CAMK1D: variants seen among roughly 807,000 people sequenced by gnomAD.
CAMK1D encodes the protein calcium/calmodulin dependent protein kinase ID, also known as calcium/calmodulin-dependent protein kinase type 1D.
Under a neutral mutation model 47.7 loss-of-function variants are expected in CAMK1D, and 9 were observed. The ratio of observed to expected loss-of-function variants is 0.19; its 90% CI spans 0.11 to 0.33. The LOEUF (loss-of-function observed/expected upper bound fraction) is 0.33, where lower values mean the gene tolerates loss of function less well. Ranked by LOEUF, CAMK1D falls within the 10% of genes least tolerant of loss-of-function variation. CAMK1D has a pLI of 1.00. For missense variants in CAMK1D, 291 were observed against 488.7 expected, an observed-to-expected ratio of 0.60 and a Z score of 3.81; for synonymous variants, 184 against 184.9, an observed-to-expected ratio of 0.99 and a Z score of 0.04.
At chr10:12,768,995 C>G (rs1588904736) in intron 4 of CAMK1D, among the ~76,000 whole-genome samples, 1 of 152,204 alleles carries the variant, frequency 6.6e-6, no homozygotes, top group Non-Finnish European at 1.5e-5. Context: ...GCTGTGCATT[C>G]CTGCTGCCCA....
At chr10:12,636,643 G>A (rs572328171) in intron 2 of CAMK1D, among the ~76,000 whole-genome samples, 4 of 151,930 alleles carry the variant, frequency 2.6e-5, no homozygotes, top group Non-Finnish European at 4.4e-5. Context: ...TGCAGTTTTC[G>A]CCAATGAGGA....
At chr10:12,719,577 T>A (rs1834292379) in intron 3 of CAMK1D, among the ~76,000 whole-genome samples, 1 of 152,138 alleles carries the variant, frequency 6.6e-6, no homozygotes, top group African/African-American at 2.4e-5. Flanking sequence ...GATTGAGCAA[T>A]CTTCAACAGA....
intron 2 of CAMK1D, among the ~76,000 whole-genome samples, chr10:12,637,429 C>A (rs886300226): frequency 2.0e-5 from 3 of 152,194 alleles, no homozygotes; most frequent in Non-Finnish European, 4.4e-5. Context: ...TACCTTCCTG[C>A]CTGTTGAAGA....
In CAMK1D at chr10:12,835,234, C is replaced by A. The variant is rs1327901116; in HGVS notation, c.*6347C>A. On this transcript the variant is annotated 3_prime_UTR_variant, in exon 11 of 11. Transcript: ENST00000619168. ...CTCCCCCAACAGTGAGCATGCTTCCCAAAAAATTACAACATCAAAACCAGG... is the reference window on the plus strand; with the variant it reads ...CTCCCCCAACAGTGAGCATGCTTCCAAAAAAATTACAACATCAAAACCAGG... 1 of 152,112 alleles carries A rather than the reference C, an allele frequency of 6.6e-6. No homozygotes were observed. The highest frequency in any genetic ancestry group is 1.5e-5 in the Non-Finnish European group (1 of 68,008). 9.4% of individuals were successfully genotyped at this position (152,112 alleles called of 1,614,324 possible). A position where few individuals can be genotyped will look rare whatever the true frequency, so the allele number is the denominator to read the frequency against.
intron 1 of CAMK1D, among the ~76,000 whole-genome samples, chr10:12,369,654 A>C (rs1208429424): frequency 3.3e-5 from 5 of 152,106 alleles, no homozygotes; most frequent in African/African-American, 1.2e-4. Context: ...AGTTTTAATA[A>C]TATATTTAAA....
At chr10:12,458,801 CA>C (rs534699522) in intron 1 of CAMK1D, among the ~76,000 whole-genome samples, 220 of 152,084 alleles carry the variant, frequency 1.4e-3, no homozygotes, top group African/African-American at 5.2e-3. Context: ...TTTGCTACAG[CA>C]GTCAGGATTA....
intron 2 of CAMK1D, among the ~76,000 whole-genome samples, chr10:12,652,971 T>C (rs1840020670): frequency 1.3e-5 from 2 of 152,242 alleles, no homozygotes; most frequent in African/African-American, 2.4e-5. Flanking sequence ...TATAACAAAA[T>C]AGCTGAAACT....
chr10:12,765,673 C>G (rs1452967899), intron 4 of CAMK1D, among the ~76,000 whole-genome samples: 1 of 152,170 alleles, frequency 6.6e-6, no homozygotes, highest in Non-Finnish European at 1.5e-5. Flanking sequence ...CCAAGGAAAT[C>G]AAGGATGCAG....
At chr10:12,504,115 G>T (rs1588562872) in intron 1 of CAMK1D, among the ~76,000 whole-genome samples, 1 of 142,178 alleles carries the variant, frequency 7.0e-6, no homozygotes, top group Admixed American at 6.8e-5. Flanking sequence ...ATGGGTGTGT[G>T]TGTGTGTGTG....
chr10:12,616,706 A>C (rs111760505), intron 2 of CAMK1D, among the ~76,000 whole-genome samples: 13,167 of 152,106 alleles, frequency 0.087, 672 homozygotes, highest in Admixed American at 0.17. Flanking sequence ...TGTAGTAGAC[A>C]CGGGGTTTCA....
At chr10:12,812,080 G>C (rs1832628464) in intron 6 of CAMK1D, among the ~76,000 whole-genome samples, 1 of 152,230 alleles carries the variant, frequency 6.6e-6, no homozygotes, top group Non-Finnish European at 1.5e-5. Context: ...CATCAGGCAC[G>C]CCCCTGCGCA....
At chr10:12,548,712 ACCT>A (rs983449274) in intron 1 of CAMK1D, among the ~76,000 whole-genome samples, 3 of 151,580 alleles carry the variant, frequency 2.0e-5, no homozygotes, top group Non-Finnish European at 4.4e-5. Flanking sequence ...CGATCCTCCC[ACCT>A]CAGCCTCCCA....
intron 2 of CAMK1D, among the ~76,000 whole-genome samples, chr10:12,559,601 G>C (rs1836873359): frequency 6.6e-6 from 1 of 152,202 alleles, no homozygotes; most frequent in East Asian, 1.9e-4. Context: ...GCTTCATTGA[G>C]AGGAGCGAAC....
chr10:12,426,356 C>G (rs1487334660), intron 1 of CAMK1D, among the ~76,000 whole-genome samples: 1 of 152,096 alleles, frequency 6.6e-6, no homozygotes, highest in East Asian at 1.9e-4. Flanking sequence ...AAGTGATTCT[C>G]CTGCCTCAGC....
chr10:12,814,342 C>T lies in CAMK1D; in HGVS notation c.754+35C>T, dbSNP rs757792225. 12 of 1,365,806 alleles carry T rather than the reference C, an allele frequency of 8.8e-6. No individual in the cohort carries two copies. In the South Asian group the frequency reaches 1.4e-4, roughly 16 times the overall value. 84.6% of individuals were successfully genotyped at this position (1,365,806 alleles called of 1,614,324 possible). ...CCATAGGCAGCTCCCAGTGGGCGGC[C>T]CCCGCGACACTTACACCCAGACCAC... On this transcript the variant is annotated intron_variant, in intron 7 of 10. Coordinates refer to ENST00000619168, the MANE Select transcript of CAMK1D (RefSeq NM_153498.4).
At chr10:12,639,697 T>C (rs1588720219) in intron 2 of CAMK1D, among the ~76,000 whole-genome samples, 1 of 152,296 alleles carries the variant, frequency 6.6e-6, no homozygotes, top group East Asian at 1.9e-4. Context: ...ATTTTGTTTT[T>C]CGGTGTCTTT....
chr10:12,518,459 G>A (rs1438761331), intron 1 of CAMK1D, among the ~76,000 whole-genome samples: 1 of 150,812 alleles, frequency 6.6e-6, no homozygotes, highest in Non-Finnish European at 1.5e-5. Flanking sequence ...GTAGTGATAT[G>A]TCTTTATTCA....
intron 3 of CAMK1D, among the ~76,000 whole-genome samples, chr10:12,687,500 G>A (rs1161406091): frequency 6.6e-6 from 1 of 152,192 alleles, no homozygotes; most frequent in South Asian, 2.1e-4. Flanking sequence ...GTTGTAATGT[G>A]AAGTGGCTGA....
intron 1 of CAMK1D, among the ~76,000 whole-genome samples, chr10:12,378,273 G>A (rs753480216): frequency 2.0e-5 from 3 of 152,090 alleles, no homozygotes; most frequent in Admixed American, 1.3e-4. Flanking sequence ...TAGATACAGC[G>A]TCTCACTCCA....
Sources: gnomAD v4.1 joint callset for allele counts (sites outside exome capture counted in the v4.1 genomes callset) on GRCh38, gnomAD v4.1.1 for gene constraint, MANE v1.5 for transcripts, NCBI Gene and HGNC (gene_info 2026-07-23, HGNC 2026-07-21) for gene names.